The following MOB1B variants were observed in gnomAD, a reference collection of about 807,000 sequenced individuals.
The protein encoded by MOB1B is MOB kinase activator 1B.
A neutral mutation model predicts 24.4 loss-of-function variants in MOB1B; 19 were observed. The ratio of observed to expected loss-of-function variants is 0.78; its 90% CI spans 0.54 to 1.14. MOB1B has a LOEUF of 1.14. MOB1B is among the 50% of genes most tolerant of loss of function. The pLI is 0.00. For synonymous variants in MOB1B, 76 were observed against 82.1 expected, an observed-to-expected ratio of 0.93 and a Z score of 0.40; for missense variants, 243 against 259.6, an observed-to-expected ratio of 0.94 and a Z score of 0.44.
At chr4:70,958,501 T>C (rs2148893886) in intron 1 of MOB1B, among the ~76,000 whole-genome samples, 1 of 152,330 alleles carries the variant, frequency 6.6e-6, no homozygotes, top group South Asian at 2.1e-4. Flanking sequence ...CCAGGATTTT[T>C]ATGTTTTATT....
chr4:70,966,470 G>A (rs1738534747), intron 2 of MOB1B, among the ~76,000 whole-genome samples: 1 of 151,862 alleles, frequency 6.6e-6, no homozygotes, highest in African/African-American at 2.4e-5. Flanking sequence ...TGCCTCCCAG[G>A]TTCAAGCGGT....
chr4:70,903,376 A>G (rs557947508), intron 1 of MOB1B, among the ~76,000 whole-genome samples: 1 of 152,302 alleles, frequency 6.6e-6, no homozygotes, highest in East Asian at 1.9e-4. Flanking sequence ...CGTTTGTTCC[A>G]GACGAGTGGA....
At chr4:70,976,810 C>A in intron 4 of MOB1B, 1 of 174,928 alleles carries the variant, frequency 5.7e-6, no homozygotes, top group Non-Finnish European at 1.1e-5. Flanking sequence ...GGATGAGTGT[C>A]CCCACCTTAT....
intron 1 of MOB1B, among the ~76,000 whole-genome samples, chr4:70,903,285 C>T (rs1280030043): frequency 6.6e-6 from 1 of 152,200 alleles, no homozygotes; most frequent in African/African-American, 2.4e-5. Context: ...ATTAGGTCCA[C>T]TGGGGAGTTG....
intron 4 of MOB1B, chr4:70,975,767 G>A: frequency 1.0e-6 from 1 of 972,474 alleles, no homozygotes. Context: ...CCTATTCTAG[G>A]AACCATGGTA....
chr4:70,917,647 T>C (rs1052453116), intron 1 of MOB1B, among the ~76,000 whole-genome samples: 18 of 152,220 alleles, frequency 1.2e-4, no homozygotes, highest in African/African-American at 4.3e-4. Context: ...TGTCTTTACC[T>C]GGTAAAAATA....
chr4:70,976,620 C>T (rs574686951), intron 4 of MOB1B: 163 of 981,124 alleles, frequency 1.7e-4, no homozygotes, highest in Non-Finnish European at 1.9e-4. Context: ...TGACATTTTA[C>T]GATTTTTTTT....
intron 2 of MOB1B, among the ~76,000 whole-genome samples, chr4:70,963,197 C>G (rs1325218783): frequency 1.3e-5 from 2 of 151,972 alleles, no homozygotes; most frequent in East Asian, 3.9e-4. Context: ...AAGACCCTGT[C>G]TCTAAGAAAA....
Position 70,985,558 on chromosome 4 carries a change from C to G in MOB1B, c.*3501C>G, listed in dbSNP as rs1347853581. 6.6e-6 allele frequency: 1 copy of G among 151,866 alleles called. No individual in the cohort carries two copies. Among genetic ancestry groups the G allele is most frequent in the Non-Finnish European group, 1.5e-5 (1 of 67,994 alleles). The allele number at this position is 151,866 out of a possible 1,614,324, so 9.4% of individuals were successfully genotyped here. On this transcript the variant is annotated 3_prime_UTR_variant, in exon 6 of 6. Coordinates refer to ENST00000309395, the MANE Select transcript of MOB1B (RefSeq NM_173468.4). ...TATTTCTTTAAGATGGAGTCTTGCT[C>G]TGTTGCCCGGGCTGGAGTACAATGG...
rs1164906245 is a variant in MOB1B at position 70,984,334 on chromosome 4, G to A, written c.*2277G>A. 1 of 152,098 alleles carries A rather than the reference G, an allele frequency of 6.6e-6. No homozygotes were observed. Among genetic ancestry groups the A allele is most frequent in the Non-Finnish European group, 1.5e-5 (1 of 67,986 alleles). 9.4% of individuals were successfully genotyped at this position (152,098 alleles called of 1,614,324 possible). Reference sequence around the variant, plus strand: ...CCTGGCATTGCACATGGTGTTACATGGCTACAAGTAAGGAAAAAATCAGAA... The same window carrying A: ...CCTGGCATTGCACATGGTGTTACATAGCTACAAGTAAGGAAAAAATCAGAA... On this transcript the variant is annotated 3_prime_UTR_variant, in exon 6 of 6. Coordinates refer to ENST00000309395, the MANE Select transcript of MOB1B (RefSeq NM_173468.4).
chr4:70,975,870 C>T (rs1043175298), intron 4 of MOB1B: 44 of 850,506 alleles, frequency 5.2e-5, no homozygotes, highest in Non-Finnish European at 6.2e-5. Flanking sequence ...TAAGGTAAAC[C>T]CTCTATTTTA....
intron 2 of MOB1B, among the ~76,000 whole-genome samples, chr4:70,968,402 C>T (rs1738621453): frequency 6.6e-6 from 1 of 152,112 alleles, no homozygotes; most frequent in Non-Finnish European, 1.5e-5. Flanking sequence ...ACCTCCGCCT[C>T]CCAGGTTCAA....
intron 1 of MOB1B, among the ~76,000 whole-genome samples, chr4:70,954,225 G>C (rs1270630904): frequency 6.6e-6 from 1 of 152,046 alleles, no homozygotes; most frequent in African/African-American, 2.4e-5. Context: ...GAGTCATTGT[G>C]GTTCAAGAAA....
At chr4:70,965,332 C>T (rs1366885569) in intron 2 of MOB1B, among the ~76,000 whole-genome samples, 4 of 142,548 alleles carry the variant, frequency 2.8e-5, no homozygotes, top group Non-Finnish European at 6.1e-5. Context: ...TGGTTCTTTG[C>T]AAAGTTTAAA....
At chr4:70,980,279 A>G (rs1004806161) in intron 5 of MOB1B, among the ~76,000 whole-genome samples, 11 of 152,336 alleles carry the variant, frequency 7.2e-5, no homozygotes, top group South Asian at 2.1e-4. Flanking sequence ...TCCAGAACTC[A>G]GGAACAAAGA....
chr4:70,979,318 G>A, intron 5 of MOB1B, 27 bp downstream of exon 5: 2 of 1,580,544 alleles, frequency 1.3e-6, no homozygotes, highest in Non-Finnish European at 1.7e-6. Flanking sequence ...GGCCTTTGGT[G>A]CTCAGGGTAA....
chr4:70,979,673 A>C (rs1739125085), intron 5 of MOB1B, among the ~76,000 whole-genome samples: 1 of 152,152 alleles, frequency 6.6e-6, no homozygotes, highest in Non-Finnish European at 1.5e-5. Flanking sequence ...TGGTGCAGGA[A>C]TGGGTTTTGA....
intron 3 of MOB1B, among the ~76,000 whole-genome samples, chr4:70,971,504 CAA>C (rs906280735): frequency 1.0e-3 from 65 of 64,816 alleles, no homozygotes; most frequent in African/African-American, 2.0e-3. Flanking sequence ...GACTCTGTCT[CAA>C]AAAAAAAAAA....
At chr4:70,932,047 G>A (rs1040311792) in intron 1 of MOB1B, among the ~76,000 whole-genome samples, 9 of 152,030 alleles carry the variant, frequency 5.9e-5, no homozygotes, top group Admixed American at 2.6e-4. Context: ...TGCTCTTTTC[G>A]CAGTTTCTTG....
Sources: allele counts gnomAD v4.1 joint callset (sites outside exome capture counted in the v4.1 genomes callset), GRCh38; gene constraint gnomAD v4.1.1; transcripts MANE v1.5; gene names NCBI Gene and HGNC (gene_info 2026-07-23, HGNC 2026-07-21).